Variants in GMDS observed in about 807,000 individuals in gnomAD.
The protein encoded by GMDS is GDP-mannose 4,6 dehydratase.
Under a neutral mutation model 49.9 loss-of-function variants are expected in GMDS, and 20 were observed. The observed-to-expected ratio is 0.40, with a 90% CI of 0.28 to 0.58. The LOEUF (loss-of-function observed/expected upper bound fraction) is 0.58, where lower values mean the gene tolerates loss of function less well. Ranked by LOEUF, GMDS falls within the 20% of genes least tolerant of loss-of-function variation. The pLI, the probability that GMDS is intolerant of heterozygous loss-of-function variation, is 0.42. For missense variants in GMDS, 362 were observed against 481.4 expected (o/e 0.75, Z 2.32); for synonymous variants, 177 against 178.6 (o/e 0.99, Z 0.07).
intron 2 of GMDS, among the ~76,000 whole-genome samples, chr6:2,121,366 A>T (rs1044943483): frequency 7.2e-5 from 11 of 152,224 alleles, no homozygotes; most frequent in African/African-American, 2.2e-4. Context: ...ATAAAGAATG[A>T]AAGAGTGTTA....
intron 1 of GMDS, among the ~76,000 whole-genome samples, chr6:2,228,793 C>G (rs1361962645): frequency 6.6e-6 from 1 of 151,960 alleles, no homozygotes; most frequent in South Asian, 2.1e-4. Context: ...CCCTTTTTGC[C>G]CCTGGAATTA....
chr6:2,010,812 T>C (rs889395489), intron 4 of GMDS, among the ~76,000 whole-genome samples: 3 of 152,040 alleles, frequency 2.0e-5, no homozygotes, highest in African/African-American at 7.2e-5. Context: ...GTTAAAAACA[T>C]GGGGAAATAA....
chr6:1,811,282 G>T (rs1313726636), intron 7 of GMDS, among the ~76,000 whole-genome samples: 1 of 152,092 alleles, frequency 6.6e-6, no homozygotes, highest in Non-Finnish European at 1.5e-5. Flanking sequence ...ATACTCTTGC[G>T]ATCTTTTCTA....
Position 1,776,722 on chromosome 6 carries a change from T to C in GMDS, c.772-34136A>G, listed in dbSNP as rs1037297675. Among the ~76,000 whole-genome samples, 3 of 152,152 alleles carry C rather than the reference T, an allele frequency of 2.0e-5. 1 individual carries two copies. In the South Asian group the frequency reaches 6.2e-4, roughly 32 times the overall value. ...GTGGGCATCACTTGAGAGTGAAATA[T>C]GTGGACTGTTAGGCTCTGTTTCAGA... On this transcript the variant is annotated intron_variant, in intron 7 of 10. Transcript: ENST00000380815.
intron 1 of GMDS, among the ~76,000 whole-genome samples, chr6:2,212,004 T>C (rs773413054): frequency 1.3e-5 from 2 of 152,238 alleles, no homozygotes; most frequent in Non-Finnish European, 2.9e-5. Flanking sequence ...CTCTTTTTAA[T>C]TACAGTTCAT....
At chr6:2,161,932 A>G (rs1378881855) in intron 1 of GMDS, among the ~76,000 whole-genome samples, 1 of 152,248 alleles carries the variant, frequency 6.6e-6, no homozygotes, top group Non-Finnish European at 1.5e-5. Flanking sequence ...CTCAAAAGCA[A>G]GATCTTGCCA....
At chr6:1,973,961 G>C (rs1764757661) in intron 4 of GMDS, among the ~76,000 whole-genome samples, 1 of 152,170 alleles carries the variant, frequency 6.6e-6, no homozygotes, top group Non-Finnish European at 1.5e-5. Context: ...AAATAACTCA[G>C]TGTTGGGAGC....
chr6:2,002,082 T>C (rs1766852518), intron 4 of GMDS, among the ~76,000 whole-genome samples: 1 of 152,226 alleles, frequency 6.6e-6, no homozygotes, highest in Admixed American at 6.5e-5. Flanking sequence ...TTGTTTAATA[T>C]TCGTTTTTAA....
intron 8 of GMDS, among the ~76,000 whole-genome samples, chr6:1,733,776 TG>T (rs1200945350): frequency 4.0e-5 from 6 of 151,662 alleles, no homozygotes; most frequent in African/African-American, 1.2e-4. Flanking sequence ...TGCTTGAACC[TG>T]GGGGGCAGAG....
chr6:1,885,127 G>A (rs1268201588), intron 7 of GMDS, among the ~76,000 whole-genome samples: 1 of 152,148 alleles, frequency 6.6e-6, no homozygotes, highest in Non-Finnish European at 1.5e-5. Context: ...CCTCGTTATG[G>A]AGAAACAAGG....
intron 7 of GMDS, among the ~76,000 whole-genome samples, chr6:1,810,526 A>C (rs1377670668): frequency 6.6e-6 from 1 of 151,768 alleles, no homozygotes; most frequent in East Asian, 1.9e-4. Context: ...CAGGTGATCC[A>C]CCTGCCTCGG....
At chr6:1,776,389 C>T (rs1768834874) in intron 7 of GMDS, among the ~76,000 whole-genome samples, 1 of 152,040 alleles carries the variant, frequency 6.6e-6, no homozygotes, top group African/African-American at 2.4e-5. Flanking sequence ...CCTTGGTTTT[C>T]AAAAAATGGT....
At chr6:2,221,666 G>T (rs1780599112) in intron 1 of GMDS, among the ~76,000 whole-genome samples, 1 of 152,190 alleles carries the variant, frequency 6.6e-6, no homozygotes, top group South Asian at 2.1e-4. Flanking sequence ...GGGATTACAG[G>T]AGTGAGCCAC....
intron 6 of GMDS, among the ~76,000 whole-genome samples, chr6:1,933,682 C>T (rs1317262003): frequency 6.6e-6 from 1 of 152,188 alleles, no homozygotes; most frequent in Non-Finnish European, 1.5e-5. Flanking sequence ...GGAGACATGT[C>T]TATTCAGATC....
chr6:2,003,235 G>A (rs6900744), intron 4 of GMDS, among the ~76,000 whole-genome samples: 57,199 of 151,940 alleles, frequency 0.38, 11,088 homozygotes, highest in Middle Eastern at 0.46. Flanking sequence ...ACGAGCAGGA[G>A]GATGATGATA....
intron 9 of GMDS, chr6:1,625,556 A>T (rs1310911648): frequency 6.6e-6 from 1 of 152,232 alleles, no homozygotes; most frequent in East Asian, 1.9e-4. Context: ...AAGGCTGGCT[A>T]AAAGAAAACC....
chr6:1,934,512 A>C (rs1038638845), intron 6 of GMDS, among the ~76,000 whole-genome samples: 22 of 152,234 alleles, frequency 1.4e-4, no homozygotes, highest in Non-Finnish European at 2.9e-4. Context: ...ACATGAATAT[A>C]GGATGTCTTT....
At chr6:1,752,412 G>T (rs1421768174) in intron 7 of GMDS, among the ~76,000 whole-genome samples, 1 of 148,882 alleles carries the variant, frequency 6.7e-6, no homozygotes, top group African/African-American at 2.5e-5. Context: ...ACCTTTGATT[G>T]GTGTACCTGA....
intron 7 of GMDS, among the ~76,000 whole-genome samples, chr6:1,804,645 T>C (rs927953208): frequency 1.3e-5 from 2 of 152,236 alleles, no homozygotes; most frequent in Non-Finnish European, 2.9e-5. Flanking sequence ...TCATTATACA[T>C]TAACTTTATA....
Sources: allele counts gnomAD v4.1 joint callset (sites outside exome capture counted in the v4.1 genomes callset), GRCh38; gene constraint gnomAD v4.1.1; transcripts MANE v1.5; gene names NCBI Gene and HGNC (gene_info 2026-07-23, HGNC 2026-07-21).